MAGI3: variants seen among roughly 807,000 people sequenced by gnomAD.
MAGI3 encodes membrane associated guanylate kinase, WW and PDZ domain containing 3.
A neutral mutation model predicts 121.8 loss-of-function variants in MAGI3; 43 were observed. The observed-to-expected ratio is 0.35, with a 90% CI of 0.28 to 0.46. The LOEUF is 0.46. Among genes scored for constraint, MAGI3 ranks in the 20% least tolerant of loss-of-function variants. The pLI is 1.00. For synonymous variants in MAGI3, 553 were observed against 639.3 expected (o/e 0.86, Z 2.04); for missense variants, 1,547 against 1,797.3 (o/e 0.86, Z 2.52).
rs1360424970 is a variant in MAGI3, at chr1:113,391,081, G to A, written c.48G>A (p.Gln16=). 1.9e-6 allele frequency: 3 copies of A among 1,590,918 alleles called. No individual in the cohort carries two copies. The highest frequency in any genetic ancestry group is 2.6e-6 in the Non-Finnish European group (3 of 1,169,510). ...KKKKHWLSKV[Q]ECAVSWAGPP... ...AGAAGCACTGGCTCAGCAAGGTGCA[G>A]GAGTGCGCCGTGTCCTGGGCCGGGC... The change falls in exon 1 of 21, where the codon CAG becomes CAA. Residue 16 remains glutamine, a synonymous_variant. Transcript: ENST00000307546. The surrounding 1 kb of genome is among the most constrained non-coding windows in gnomAD (Gnocchi z 4.4).
chr1:113,484,754 C>T, intron 1 of MAGI3, among the ~76,000 whole-genome samples: 1 of 92,644 alleles, frequency 1.1e-5, no homozygotes, highest in South Asian at 4.3e-4. Flanking sequence ...TCCACAGAGC[C>T]TTGCTCTCTC....
intron 15 of MAGI3, among the ~76,000 whole-genome samples, chr1:113,654,417 A>T (rs1264810075): frequency 3.3e-5 from 5 of 152,234 alleles, no homozygotes; most frequent in Non-Finnish European, 7.3e-5. Flanking sequence ...AGCAAAGCAG[A>T]TTAACAGAAA....
intron 2 of MAGI3, among the ~76,000 whole-genome samples, chr1:113,568,207 TTC>T (rs1169149292): frequency 6.6e-6 from 1 of 152,110 alleles, no homozygotes; most frequent in Admixed American, 6.6e-5. Context: ...GGTAAATTAT[TTC>T]TTTCATACCA....
intron 1 of MAGI3, among the ~76,000 whole-genome samples, chr1:113,431,197 A>T (rs1197384975): frequency 6.6e-6 from 1 of 152,206 alleles, no homozygotes; most frequent in African/African-American, 2.4e-5. Flanking sequence ...GTATGCCTAT[A>T]GTGCTAGCTA....
At chr1:113,569,009 A>G (rs1332176930) in intron 2 of MAGI3, among the ~76,000 whole-genome samples, 3 of 152,178 alleles carry the variant, frequency 2.0e-5, no homozygotes, top group Non-Finnish European at 2.9e-5. Context: ...AGAATGTGAC[A>G]AGATACTCTC....
intron 1 of MAGI3, among the ~76,000 whole-genome samples, chr1:113,425,457 G>T (rs1241969029): frequency 6.6e-6 from 1 of 150,998 alleles, no homozygotes; most frequent in Non-Finnish European, 1.5e-5. Flanking sequence ...TAATTTTTTT[G>T]TATTTTTCAG....
rs188691558 is a variant in MAGI3 at position 113,407,553 on chromosome 1, C to T, written c.316+16204C>T. ...TTGCTTTATTATACATTAACCTATT[C>T]CTCCATCCATCAATCTGTCTTTTTT... is the stretch of plus-strand genomic sequence containing the variant. On this transcript the variant is annotated intron_variant, in intron 1 of 20. Coordinates refer to ENST00000307546, the MANE Select transcript of MAGI3 (RefSeq NM_001142782.2). Among the ~76,000 whole-genome samples, 4 of 148,522 alleles carry T rather than the reference C, an allele frequency of 2.7e-5. No homozygotes were observed. In the Admixed American group the frequency reaches 2.8e-4, roughly 10 times the overall value.
chr1:113,634,142 C>T (rs372695582), intron 9 of MAGI3, among the ~76,000 whole-genome samples: 7 of 151,996 alleles, frequency 4.6e-5, no homozygotes, highest in Non-Finnish European at 8.8e-5. Context: ...ATTAGCCCTT[C>T]GTCAGATGAG....
rs540247374 is a variant in MAGI3, at chr1:113,414,203, C to T, written c.316+22854C>T. ...GTTTATTGATTTGTGTATGTTGAAC[C>T]AGCCTTGCATCACAGGGATGAAGCC... is the stretch of plus-strand genomic sequence containing the variant. On this transcript the variant is annotated intron_variant, in intron 1 of 20. Transcript: ENST00000307546. 2.2e-3 allele frequency among the ~76,000 whole-genome samples: 335 copies of T among 152,190 alleles called. 1 individual carries two copies. The highest frequency in any genetic ancestry group is 3.3e-3 in the Non-Finnish European group (222 of 68,020).
In MAGI3 at chr1:113,684,394, A is replaced by C. The variant is rs1648424356; in HGVS notation, c.*380A>C. ...ATGTCTGTTTTTATCCTTTTTGTTC[A>C]GCTGTTTCCACAGTAATGAAAAAGT... On this transcript the variant is annotated 3_prime_UTR_variant, in exon 21 of 21. Transcript: ENST00000307546. 6.3e-6 allele frequency: 1 copy of C among 159,368 alleles called. No individual in the cohort carries two copies. Among genetic ancestry groups the C allele is most frequent in the Non-Finnish European group, 1.4e-5 (1 of 72,234 alleles). The allele number at this position is 159,368 out of a possible 1,614,324, so 9.9% of individuals were successfully genotyped here.
At chr1:113,604,684 A>G (rs1649640667) in intron 6 of MAGI3, among the ~76,000 whole-genome samples, 1 of 151,034 alleles carries the variant, frequency 6.6e-6, no homozygotes, top group Non-Finnish European at 1.5e-5. Context: ...AGCAACTTGG[A>G]TGGAGCTGGA....
intron 1 of MAGI3, among the ~76,000 whole-genome samples, chr1:113,443,352 T>G (rs572437359): frequency 2.0e-5 from 3 of 152,256 alleles, no homozygotes; most frequent in African/African-American, 7.2e-5. Context: ...GAAGCTTTGT[T>G]TTGGTTAGAA....
chr1:113,616,285 A>C (rs1181288599), intron 7 of MAGI3, among the ~76,000 whole-genome samples: 1 of 152,208 alleles, frequency 6.6e-6, no homozygotes, highest in Non-Finnish European at 1.5e-5. Flanking sequence ...ATTTTACAGG[A>C]GGGTTTTGTA....
At position 113,671,784 on chromosome 1, in the gene MAGI3, C is replaced by A. The variant is rs1413932718; in HGVS notation, c.2866C>A (p.Leu956Met). The change falls in exon 17 of 21, where the codon CTG becomes ATG. Residue 956 changes from leucine (L) to methionine (M), a missense_variant. Coordinates refer to ENST00000307546, the MANE Select transcript of MAGI3 (RefSeq NM_001142782.2). The part of the protein sequence containing the change: ...GTNSARQSPA[L>M]QHRPMGQSQA... The stretch of plus-strand genomic sequence containing the variant: ...AAACTCAGCCAGGCAAAGCCCAGCC[C>A]TGCAGCACAGGCCCATGGGACAGTC... 1.2e-6 allele frequency: 2 copies of A among 1,614,118 alleles called. No individual in the cohort carries two copies. Among genetic ancestry groups the A allele is most frequent in the South Asian group, 1.1e-5 (1 of 91,084 alleles).
At chr1:113,480,021 A>T (rs894671146) in intron 1 of MAGI3, among the ~76,000 whole-genome samples, 1 of 150,936 alleles carries the variant, frequency 6.6e-6, no homozygotes, top group African/African-American at 2.4e-5. Flanking sequence ...TTAATTTTCT[A>T]TCTGGATTCT....
chr1:113,573,321 T>C (rs956929356), intron 2 of MAGI3, among the ~76,000 whole-genome samples: 6 of 152,236 alleles, frequency 3.9e-5, no homozygotes, highest in South Asian at 2.1e-4. Flanking sequence ...AGTTTTCCGA[T>C]GTGGGCATTC....
Position 113,629,757 on chromosome 1 carries a change from T to TCTCCCTCTCCCTCTCC in MAGI3, c.1360+6766_1360+6767insCCTCTCCCTCTCCCTC, listed in dbSNP as rs1416449345. On this transcript the variant is annotated intron_variant, in intron 9 of 20. Transcript: ENST00000307546. ...CTCTCTCTCTCTCTCTCTCTCTCTCTCTCTCCCTCCCTCCCTCCCTCCCTC... is the reference window on the plus strand; with the variant it reads ...CTCTCTCTCTCTCTCTCTCTCTCTCTCTCCCTCTCCCTCTCCCTCTCCCTCCCTCCCTCCCTCCCTC... Among the ~76,000 whole-genome samples the TCTCCCTCTCCCTCTCC allele has an allele frequency of 1.1e-3, 104 of 95,760 alleles. 1 individual carries two copies. The highest frequency in any genetic ancestry group is 3.9e-3 in the African/African-American group (94 of 24,022). 62.8% of individuals were successfully genotyped at this position (95,760 alleles called of 152,430 possible). A position where few individuals can be genotyped will look rare whatever the true frequency, so the allele number is the denominator to read the frequency against.
intron 1 of MAGI3, among the ~76,000 whole-genome samples, chr1:113,407,595 A>G (rs1385444521): frequency 1.3e-5 from 2 of 151,366 alleles, no homozygotes; most frequent in African/African-American, 4.9e-5. Flanking sequence ...ATGCCTTTCA[A>G]TGTAAATTGC....
At chr1:113,433,852 T>G (rs1373431164) in intron 1 of MAGI3, among the ~76,000 whole-genome samples, 1 of 152,194 alleles carries the variant, frequency 6.6e-6, no homozygotes, top group Non-Finnish European at 1.5e-5. Context: ...ACCCCACAGG[T>G]AATCATAATT....
Sources: gnomAD v4.1 joint callset for allele counts (sites outside exome capture counted in the v4.1 genomes callset) on GRCh38, gnomAD v4.1.1 for gene constraint, Gnocchi (gnomAD v3.1) non-coding constraint, MANE v1.5 for transcripts, NCBI Gene and HGNC (gene_info 2026-07-23, HGNC 2026-07-21) for gene names.